The following SLIT3 variants were observed in gnomAD, a reference collection of about 807,000 sequenced individuals.
The protein encoded by SLIT3 is slit guidance ligand 3.
Under a neutral mutation model 184.0 loss-of-function variants are expected in SLIT3, and 68 were observed. That is an observed-to-expected ratio of 0.37 (90% CI 0.30 to 0.45). The LOEUF (loss-of-function observed/expected upper bound fraction) is 0.45. SLIT3 is among the 20% of genes least tolerant of loss of function. SLIT3 has a pLI of 1.00. For synonymous variants in SLIT3, 831 were observed against 828.6 expected (o/e 1.00, Z -0.05); for missense variants, 1,707 against 2,026.0 (o/e 0.84, Z 3.02).
Position 169,266,630 on chromosome 5 carries a change from G to A in SLIT3, c.198-15171C>T, listed in dbSNP as rs1766405185. Reference sequence around the variant, plus strand: ...CACCCAGACCAGCTCTACTGGACTGGGTGGGTGGGAGGAAGAGGAAGAAAT... The same window carrying A: ...CACCCAGACCAGCTCTACTGGACTGAGTGGGTGGGAGGAAGAGGAAGAAAT... On this transcript the variant is annotated intron_variant, in intron 1 of 35. Coordinates refer to ENST00000519560, the MANE Select transcript of SLIT3 (RefSeq NM_003062.4). Among the ~76,000 whole-genome samples the A allele has an allele frequency of 3.3e-5, 5 of 152,122 alleles. No individual in the cohort carries two copies. The South Asian group carries it at 1.0e-3, about 32-fold the overall frequency.
intron 12 of SLIT3, among the ~76,000 whole-genome samples, chr5:168,776,594 G>C (rs759485417): frequency 7.2e-5 from 11 of 152,126 alleles, no homozygotes; most frequent in Non-Finnish European, 1.6e-4. Context: ...TCTCTAGAGG[G>C]CTCAGTTTCT....
chr5:169,300,250 T>C lies in SLIT3; in HGVS notation c.197+263A>G, dbSNP rs1767640935. 1.3e-5 allele frequency among the ~76,000 whole-genome samples: 2 copies of C among 152,244 alleles called. No homozygotes were observed. The highest frequency in any genetic ancestry group is 1.3e-4 in the Admixed American group (2 of 15,284). On this transcript the variant is annotated intron_variant, in intron 1 of 35. Transcript: ENST00000519560. The surrounding 1 kb of genome is among the most constrained non-coding windows in gnomAD (Gnocchi z 4.1). ...CTCTCCTCAGCTACTCCTTGGAAGC[T>C]GTCAGCGGGCCCTGCGTCTGGAACC...
chr5:168,931,494 G>A (rs1761985832), intron 4 of SLIT3, among the ~76,000 whole-genome samples: 1 of 152,150 alleles, frequency 6.6e-6, no homozygotes, highest in African/African-American at 2.4e-5. Flanking sequence ...TAAGGTTGAA[G>A]GGGGAGAGTG....
chr5:169,217,130 TA>T (rs55757348), intron 3 of SLIT3, among the ~76,000 whole-genome samples: 54,646 of 126,746 alleles, frequency 0.43, 11,162 homozygotes, highest in South Asian at 0.56. Context: ...TTGAGTAGGT[TA>T]AAAAAAAAAA....
At chr5:168,974,761 C>T (rs1754691073) in intron 4 of SLIT3, among the ~76,000 whole-genome samples, 1 of 152,210 alleles carries the variant, frequency 6.6e-6, no homozygotes. Context: ...GCCGAAAAGG[C>T]TCTCAGCCAT....
Position 168,692,525 on chromosome 5 carries a change from G to A in SLIT3, c.3176+82C>T, listed in dbSNP as rs1007459285. 5.9e-6 allele frequency: 5 copies of A among 844,856 alleles called. No homozygotes were observed. In the African/African-American group the frequency reaches 8.3e-5, roughly 14 times the overall value. 52.3% of individuals were successfully genotyped at this position (844,856 alleles called of 1,614,324 possible). Reference sequence around the variant, plus strand: ...GAGAGAGAGAGAGAGCATGCAGAGAGACCAGAGACTGCCTAAAACCTAGAC... The same window carrying A: ...GAGAGAGAGAGAGAGCATGCAGAGAAACCAGAGACTGCCTAAAACCTAGAC... On this transcript the variant is annotated intron_variant, in intron 29 of 35. Coordinates refer to ENST00000519560, the MANE Select transcript of SLIT3 (RefSeq NM_003062.4).
chr5:168,893,543 T>C (rs1222013172), intron 4 of SLIT3, among the ~76,000 whole-genome samples: 1 of 152,144 alleles, frequency 6.6e-6, no homozygotes, highest in Non-Finnish European at 1.5e-5. Flanking sequence ...AGTAGCTTTA[T>C]GTAAATCGAT....
At chr5:169,209,800 T>C (rs906987837) in intron 3 of SLIT3, among the ~76,000 whole-genome samples, 2 of 151,196 alleles carry the variant, frequency 1.3e-5, no homozygotes, top group African/African-American at 4.9e-5. Flanking sequence ...CTGTCGGGGG[T>C]AGGGGGCAAG....
chr5:169,122,109 C>T (rs1401448848), intron 4 of SLIT3, among the ~76,000 whole-genome samples: 2 of 152,172 alleles, frequency 1.3e-5, no homozygotes, highest in African/African-American at 4.8e-5. Context: ...GCAGATAATG[C>T]TGCTTCTAAA....
In SLIT3 at chr5:168,733,085, A is replaced by G. The variant is rs948178237; in HGVS notation, c.2271-8601T>C. 7.3e-5 allele frequency among the ~76,000 whole-genome samples: 11 copies of G among 151,586 alleles called. No individual in the cohort carries two copies. The East Asian group carries it at 2.1e-3, about 29-fold the overall frequency. On this transcript the variant is annotated intron_variant, in intron 20 of 35. Transcript: ENST00000519560. ...AACAAAGGTTTGATATCCAGAAACTATAAGGAACTTGACAAGAAAAAAAAA... is the reference window on the plus strand; with the variant it reads ...AACAAAGGTTTGATATCCAGAAACTGTAAGGAACTTGACAAGAAAAAAAAA...
At chr5:169,122,021 C>A (rs1449850502) in intron 4 of SLIT3, among the ~76,000 whole-genome samples, 1 of 152,198 alleles carries the variant, frequency 6.6e-6, no homozygotes, top group African/African-American at 2.4e-5. Flanking sequence ...TACCATCCCC[C>A]AAATGTAGGG....
At chr5:168,818,155 T>G (rs1235862177) in intron 7 of SLIT3, among the ~76,000 whole-genome samples, 1 of 152,266 alleles carries the variant, frequency 6.6e-6, no homozygotes, top group East Asian at 1.9e-4. Flanking sequence ...ACAGTGCCCT[T>G]GCTTTCCTTC....
intron 4 of SLIT3, among the ~76,000 whole-genome samples, chr5:169,040,401 T>TA (rs1757408186): frequency 6.6e-6 from 1 of 152,190 alleles, no homozygotes; most frequent in Non-Finnish European, 1.5e-5. Context: ...AGCTCAAATA[T>TA]TTCTCAGGAA....
At chr5:169,194,260 A>AG (rs1561729626) in intron 3 of SLIT3, among the ~76,000 whole-genome samples, 3 of 141,520 alleles carry the variant, frequency 2.1e-5, no homozygotes, top group Non-Finnish European at 4.6e-5. Context: ...AAAAAAAAAA[A>AG]AAGAAGAAAA....
chr5:168,789,691 C>T (rs908611261), intron 10 of SLIT3, 60 bp from the exon 11 acceptor site: 14 of 1,259,246 alleles, frequency 1.1e-5, no homozygotes, highest in Non-Finnish European at 2.3e-6. Context: ...ACGGTCACTC[C>T]TAAGTGTGAA....
chr5:169,178,985 C>T (rs1409458260), intron 4 of SLIT3, among the ~76,000 whole-genome samples: 1 of 152,094 alleles, frequency 6.6e-6, no homozygotes, highest in African/African-American at 2.4e-5. Flanking sequence ...GGAGAAGTGA[C>T]AGGTAGGGGT....
At position 168,844,724 on chromosome 5, in the gene SLIT3, C is replaced by T; in HGVS notation, c.486-69G>A. 7 of 1,453,890 alleles carry T rather than the reference C, an allele frequency of 4.8e-6. No individual in the cohort carries two copies. In the South Asian group the frequency reaches 8.0e-5, roughly 17 times the overall value. The allele number at this position is 1,453,890 out of a possible 1,614,324, so 90.1% of individuals were successfully genotyped here. ...CGTGAGGGGCCGGCGGCCCAGGCCA[C>T]CCGAGCGCCTGTCCCTCCACCCCCT... On this transcript the variant is annotated intron_variant, in intron 5 of 35. Coordinates refer to ENST00000519560, the MANE Select transcript of SLIT3 (RefSeq NM_003062.4).
intron 4 of SLIT3, among the ~76,000 whole-genome samples, chr5:169,039,611 C>T (rs1757380282): frequency 6.6e-6 from 1 of 152,146 alleles, no homozygotes; most frequent in Non-Finnish European, 1.5e-5. Context: ...GCCACTTCAC[C>T]CGGCCAGGAG....
intron 4 of SLIT3, among the ~76,000 whole-genome samples, chr5:169,002,686 G>C (rs1286701099): frequency 6.6e-6 from 1 of 152,152 alleles, no homozygotes; most frequent in Admixed American, 6.5e-5. Context: ...GGGACAAGAG[G>C]GGATGAGGAC....
Sources: gnomAD v4.1 joint callset for allele counts (sites outside exome capture counted in the v4.1 genomes callset) on GRCh38, gnomAD v4.1.1 for gene constraint, Gnocchi (gnomAD v3.1) non-coding constraint, MANE v1.5 for transcripts, NCBI Gene and HGNC (gene_info 2026-07-23, HGNC 2026-07-21) for gene names.